LRP1B: variants seen among roughly 807,000 people sequenced by gnomAD.
LRP1B encodes the protein LDL receptor related protein 1B.
A neutral mutation model predicts 556.6 loss-of-function variants in LRP1B; 217 were observed. The ratio of observed to expected loss-of-function variants is 0.39; its 90% CI spans 0.35 to 0.44. The LOEUF (loss-of-function observed/expected upper bound fraction) is 0.44, where lower values mean the gene tolerates loss of function less well. Ranked by LOEUF, LRP1B falls within the 20% of genes least tolerant of loss-of-function variation. The probability of loss-of-function intolerance (pLI) is 1.00; values close to 1 mark genes in which losing one functional copy is unlikely to be tolerated. For missense variants in LRP1B, 5,053 were observed against 5,620.8 expected, an observed-to-expected ratio of 0.90 and a Z score of 3.23; for synonymous variants, 2,047 against 1,865.8, an observed-to-expected ratio of 1.10 and a Z score of -2.50.
At chr2:140,787,504 A>T (rs1325055407) in intron 32 of LRP1B, among the ~76,000 whole-genome samples, 1 of 148,708 alleles carries the variant, frequency 6.7e-6, no homozygotes, top group African/African-American at 2.5e-5. Flanking sequence ...TAGCATTCAT[A>T]GTCTTAAAGG....
At chr2:141,795,322 T>C (rs1411925935) in intron 2 of LRP1B, among the ~76,000 whole-genome samples, 1 of 151,988 alleles carries the variant, frequency 6.6e-6, no homozygotes, top group Non-Finnish European at 1.5e-5. Flanking sequence ...AATCCACACA[T>C]ATATCAAGTA....
intron 33 of LRP1B, among the ~76,000 whole-genome samples, chr2:140,775,104 T>C (rs947613702): frequency 6.6e-6 from 1 of 152,090 alleles, no homozygotes; most frequent in Non-Finnish European, 1.5e-5. Context: ...TGTTTTCTTC[T>C]GCTTGGGGCA....
At chr2:142,040,580 T>C (rs1282358497) in intron 1 of LRP1B, among the ~76,000 whole-genome samples, 3 of 150,620 alleles carry the variant, frequency 2.0e-5, no homozygotes, top group Non-Finnish European at 4.5e-5. Context: ...AAGTACACGG[T>C]TTTAAATGCA....
chr2:141,153,203 T>A (rs894307264), intron 7 of LRP1B, among the ~76,000 whole-genome samples: 1 of 139,712 alleles, frequency 7.2e-6, no homozygotes, highest in Non-Finnish European at 1.5e-5. Flanking sequence ...AGGATGTAAA[T>A]TTTTAGAAGG....
At chr2:141,517,259 T>TATACACACACACACACACACATACACAC (rs1553526168) in intron 2 of LRP1B, among the ~76,000 whole-genome samples, 3 of 141,484 alleles carry the variant, frequency 2.1e-5, no homozygotes, top group East Asian at 4.3e-4. Context: ...AGGACAAGAA[T>TATACACACACACACACACACATACACAC]ACGCACACAC....
chr2:141,797,571 G>A (rs1468840403), intron 2 of LRP1B, among the ~76,000 whole-genome samples: 1 of 152,016 alleles, frequency 6.6e-6, no homozygotes, highest in Non-Finnish European at 1.5e-5. Context: ...ATAAGGATAT[G>A]CTCGATTCTA....
chr2:140,361,938 C>G (rs918310111), intron 72 of LRP1B, among the ~76,000 whole-genome samples: 11 of 151,586 alleles, frequency 7.3e-5, no homozygotes, highest in Admixed American at 5.3e-4. Context: ...ACTTGCAAAA[C>G]TGTTCCCTTT....
chr2:141,836,946 T>C (rs910786093), intron 1 of LRP1B, among the ~76,000 whole-genome samples: 1 of 152,032 alleles, frequency 6.6e-6, no homozygotes, highest in African/African-American at 2.4e-5. Context: ...CTTTGTGATT[T>C]TCTTTAAAAC....
In LRP1B at chr2:141,656,813, G is replaced by C. The variant is rs576001332; in HGVS notation, c.205+153466C>G. Among the ~76,000 whole-genome samples the C allele has an allele frequency of 2.0e-5, 3 of 152,110 alleles. No individual in the cohort carries two copies. In the East Asian group the frequency reaches 5.8e-4, roughly 29 times the overall value. Reference sequence around the variant, plus strand: ...TAGACAATCCTCTTTTAAGTATCTAGCATGTGTCTGGCCCTATGTTGCATA... The same window carrying C: ...TAGACAATCCTCTTTTAAGTATCTACCATGTGTCTGGCCCTATGTTGCATA... On this transcript the variant is annotated intron_variant, in intron 2 of 90. Transcript: ENST00000389484.
intron 41 of LRP1B, among the ~76,000 whole-genome samples, chr2:140,653,517 G>A (rs906827905): frequency 6.6e-6 from 1 of 151,742 alleles, no homozygotes; most frequent in African/African-American, 2.4e-5. Context: ...TAATAACAAC[G>A]TAAAGAATGA....
intron 1 of LRP1B, among the ~76,000 whole-genome samples, chr2:141,943,105 T>C (rs866223567): frequency 2.0e-5 from 3 of 152,354 alleles, no homozygotes; most frequent in African/African-American, 7.2e-5. Context: ...TGTGTAGCTT[T>C]GTAATGAAAA....
intron 9 of LRP1B, among the ~76,000 whole-genome samples, chr2:141,055,528 T>C (rs1455276520): frequency 2.6e-5 from 4 of 151,930 alleles, no homozygotes; most frequent in Non-Finnish European, 5.9e-5. Context: ...TCTTCACCGG[T>C]GAGCAAAATA....
chr2:140,301,732 T>A (rs1683831456), intron 83 of LRP1B, among the ~76,000 whole-genome samples: 1 of 151,856 alleles, frequency 6.6e-6, no homozygotes, highest in African/African-American at 2.4e-5. Context: ...GAATAATGTG[T>A]AGTGTTGCTT....
chr2:140,592,742 T>A (rs1682277715), intron 43 of LRP1B, among the ~76,000 whole-genome samples: 1 of 152,052 alleles, frequency 6.6e-6, no homozygotes, highest in African/African-American at 2.4e-5. Context: ...ACAACTGATT[T>A]TAAAAGTAGA....
At chr2:141,284,228 ATTGT>A (rs1379396257) in intron 3 of LRP1B, among the ~76,000 whole-genome samples, 1 of 152,210 alleles carries the variant, frequency 6.6e-6, no homozygotes, top group Non-Finnish European at 1.5e-5. Context: ...GAACTCAATA[ATTGT>A]TTGAAAGAAT....
chr2:140,853,930 G>C (rs1034324862), intron 27 of LRP1B, among the ~76,000 whole-genome samples: 1 of 152,012 alleles, frequency 6.6e-6, no homozygotes, highest in Non-Finnish European at 1.5e-5. Flanking sequence ...TAGGTGGGAA[G>C]GGAAGGCAGA....
At chr2:141,179,229 C>T (rs1462135908) in intron 7 of LRP1B, among the ~76,000 whole-genome samples, 1 of 151,950 alleles carries the variant, frequency 6.6e-6, no homozygotes, top group Non-Finnish European at 1.5e-5. Context: ...ACACTTTAGA[C>T]AGGTCCCAGA....
chr2:142,118,064 G>T (rs1285429856), intron 1 of LRP1B, among the ~76,000 whole-genome samples: 1 of 152,118 alleles, frequency 6.6e-6, no homozygotes, highest in Admixed American at 6.6e-5. Context: ...TAGAAGAAAA[G>T]TTGCCAATCA....
At chr2:140,472,964 A>AC (rs1687830340) in intron 60 of LRP1B, among the ~76,000 whole-genome samples, 1 of 152,086 alleles carries the variant, frequency 6.6e-6, no homozygotes. Flanking sequence ...GGTTTTAAAA[A>AC]AGTGGCTAGT....
Sources: allele counts gnomAD v4.1 joint callset (sites outside exome capture counted in the v4.1 genomes callset), GRCh38; gene constraint gnomAD v4.1.1; transcripts MANE v1.5; gene names NCBI Gene and HGNC (gene_info 2026-07-23, HGNC 2026-07-21).